Variants in PDE4D observed in about 807,000 individuals in gnomAD.
PDE4D encodes the protein phosphodiesterase 4D.
PDE4D carries 24 observed loss-of-function variants against 87.4 expected under a neutral mutation model. The observed-to-expected ratio is 0.27, with a 90% CI of 0.20 to 0.39. The LOEUF is 0.39. Among genes scored for constraint, PDE4D ranks in the 10% least tolerant of loss-of-function variants. PDE4D has a pLI of 1.00. For missense variants in PDE4D, 714 were observed against 1,041.0 expected (o/e 0.69, Z 4.32); for synonymous variants, 384 against 383.2 (o/e 1.00, Z -0.02).
chr5:59,674,322 A>C (rs1747709846), intron 1 of PDE4D, among the ~76,000 whole-genome samples: 2 of 152,150 alleles, frequency 1.3e-5, no homozygotes, highest in South Asian at 4.1e-4. Context: ...AGTTCTATGA[A>C]GACAAGGACC....
At chr5:59,792,336 T>A (rs1023265251) in intron 1 of PDE4D, among the ~76,000 whole-genome samples, 1 of 152,096 alleles carries the variant, frequency 6.6e-6, no homozygotes. Context: ...AGTTTACTTT[T>A]ATTTTTTTTC....
chr5:59,047,259 G>A (rs1760852947), intron 5 of PDE4D, among the ~76,000 whole-genome samples: 2 of 152,052 alleles, frequency 1.3e-5, no homozygotes, highest in Non-Finnish European at 2.9e-5. Flanking sequence ...ACAGTTTTTA[G>A]GGTAGTTAGA....
chr5:59,219,240 T>G (rs1248873117), intron 1 of PDE4D, among the ~76,000 whole-genome samples: 1 of 151,866 alleles, frequency 6.6e-6, no homozygotes, highest in African/African-American at 2.4e-5. Context: ...AAGACTTAAT[T>G]GAATTTCCGT....
chr5:60,175,077 T>C (rs1237638509), intron 2 of PDE4D, among the ~76,000 whole-genome samples: 1 of 152,090 alleles, frequency 6.6e-6, no homozygotes, highest in East Asian at 1.9e-4. Flanking sequence ...CACTTAATAT[T>C]GTACCAGAGT....
rs1414997836 is a variant in PDE4D at position 60,471,639 on chromosome 5, C to T, written c.-90+16303G>A. On this transcript the variant is annotated intron_variant, in intron 1 of 16. Transcript: ENST00000502484. Reference sequence around the variant, plus strand: ...CATTCAGCAGCCATCAATGTCAAGGCAAGACTCTCCACCAGCAAAAAAATT... The same window carrying T: ...CATTCAGCAGCCATCAATGTCAAGGTAAGACTCTCCACCAGCAAAAAAATT... Among the ~76,000 whole-genome samples the T allele has an allele frequency of 2.6e-5, 4 of 152,190 alleles. No individual in the cohort carries two copies. In the East Asian group the frequency reaches 7.7e-4, roughly 29 times the overall value.
chr5:59,308,573 G>A (rs2153564510), intron 1 of PDE4D, among the ~76,000 whole-genome samples: 1 of 152,030 alleles, frequency 6.6e-6, no homozygotes, highest in Admixed American at 6.5e-5. Context: ...GTCCCTTCTA[G>A]CTTGTAGGCT....
At chr5:60,359,233 C>A (rs1759863252) in intron 1 of PDE4D, among the ~76,000 whole-genome samples, 1 of 152,090 alleles carries the variant, frequency 6.6e-6, no homozygotes, top group South Asian at 2.1e-4. Flanking sequence ...ATGACAAAAC[C>A]CCATCTCCAC....
intron 1 of PDE4D, among the ~76,000 whole-genome samples, chr5:60,444,078 T>C (rs1168533680): frequency 1.3e-5 from 2 of 152,064 alleles, no homozygotes; most frequent in Admixed American, 6.6e-5. Context: ...CTCCATGTTA[T>C]AAACACCCCA....
chr5:60,330,889 C>T (rs927027953), intron 1 of PDE4D, among the ~76,000 whole-genome samples: 1 of 152,140 alleles, frequency 6.6e-6, no homozygotes, highest in Non-Finnish European at 1.5e-5. Flanking sequence ...ACACATCCAT[C>T]CAGTACAGAT....
At chr5:60,127,573 A>G in intron 2 of PDE4D, 1 of 483,268 alleles carries the variant, frequency 2.1e-6, no homozygotes, top group South Asian at 3.6e-5. Flanking sequence ...CCTTAGTGAT[A>G]GGGTACTTAC....
intron 1 of PDE4D, among the ~76,000 whole-genome samples, chr5:60,455,389 G>C (rs2150159245): frequency 6.6e-6 from 1 of 152,196 alleles, no homozygotes; most frequent in East Asian, 1.9e-4. Flanking sequence ...CTTAGAGAGA[G>C]AGAAGAAGGA....
chr5:59,827,515 A>AC (rs1770466257), intron 1 of PDE4D, among the ~76,000 whole-genome samples: 1 of 152,182 alleles, frequency 6.6e-6, no homozygotes, highest in South Asian at 2.1e-4. Context: ...GATTAATTAA[A>AC]CCATTCAATG....
chr5:60,488,347 A>C (rs1293660815), upstream of PDE4D: 1 of 152,094 alleles, frequency 6.6e-6, no homozygotes, highest in Non-Finnish European at 1.5e-5. Context: ...CCGGCTTGGC[A>C]ATCTCAGCTG....
intron 1 of PDE4D, among the ~76,000 whole-genome samples, chr5:59,774,816 T>C (rs1157825143): frequency 6.6e-6 from 1 of 151,584 alleles, no homozygotes; most frequent in Non-Finnish European, 1.5e-5. Flanking sequence ...GCCTCCTGAG[T>C]AGTGAGTAGC....
intron 1 of PDE4D, among the ~76,000 whole-genome samples, chr5:59,473,498 T>C (rs1055073182): frequency 6.6e-6 from 1 of 152,080 alleles, no homozygotes; most frequent in African/African-American, 2.4e-5. Flanking sequence ...TTCCTTCCTA[T>C]AAAAAATGAT....
intron 1 of PDE4D, among the ~76,000 whole-genome samples, chr5:59,890,044 C>T (rs1368148843): frequency 6.6e-6 from 1 of 152,160 alleles, no homozygotes; most frequent in Non-Finnish European, 1.5e-5. Flanking sequence ...CATTGCTTCA[C>T]AAACTGTTAC....
At chr5:60,486,914 A>C (rs917080575) in intron 1 of PDE4D, among the ~76,000 whole-genome samples, 7 of 152,202 alleles carry the variant, frequency 4.6e-5, no homozygotes, top group Non-Finnish European at 7.3e-5. Flanking sequence ...TATTGAGAAA[A>C]AGTATAAAAA....
At chr5:59,703,713 G>A (rs1317587641) in intron 1 of PDE4D, 1 of 465,832 alleles carries the variant, frequency 2.1e-6, no homozygotes, top group Admixed American at 2.4e-5. Context: ...TTGACTTGTT[G>A]TGGTCTACTA....
intron 5 of PDE4D, among the ~76,000 whole-genome samples, chr5:59,053,675 G>C (rs1390936358): frequency 4.4e-5 from 4 of 91,952 alleles, no homozygotes; most frequent in African/African-American, 1.7e-4. Context: ...TTTTTTTTTG[G>C]CCAGGCACGG....
Sources: allele counts gnomAD v4.1 joint callset (sites outside exome capture counted in the v4.1 genomes callset), GRCh38; gene constraint gnomAD v4.1.1; transcripts MANE v1.5; gene names NCBI Gene and HGNC (gene_info 2026-07-23, HGNC 2026-07-21).